Variants in INTS9 observed in about 807,000 individuals in gnomAD.
INTS9 encodes the protein integrator complex subunit 9.
Under a neutral mutation model 79.7 loss-of-function variants are expected in INTS9, and 55 were observed. The ratio of observed to expected loss-of-function variants is 0.69; its 90% CI spans 0.56 to 0.86. The LOEUF (loss-of-function observed/expected upper bound fraction) is 0.86, where lower values mean the gene tolerates loss of function less well. INTS9 is among the 40% of genes least tolerant of loss of function. The pLI, the probability that INTS9 is intolerant of heterozygous loss-of-function variation, is 0.00. For missense variants in INTS9, 721 were observed against 831.5 expected (o/e 0.87, Z 1.64); for synonymous variants, 319 against 325.2 (o/e 0.98, Z 0.20).
At chr8:28,816,172 C>G (rs1805465537) in intron 6 of INTS9, among the ~76,000 whole-genome samples, 2 of 149,854 alleles carry the variant, frequency 1.3e-5, no homozygotes, top group Non-Finnish European at 3.0e-5. Context: ...TATTATTATA[C>G]TTTAAGTTTT....
At chr8:28,881,838 T>C (rs1809847601) in intron 1 of INTS9, among the ~76,000 whole-genome samples, 1 of 127,328 alleles carries the variant, frequency 7.9e-6, no homozygotes, top group Admixed American at 7.7e-5. Context: ...GGTGGGGGGG[T>C]CAGCCCCCCG....
intron 6 of INTS9, among the ~76,000 whole-genome samples, chr8:28,822,887 G>C (rs958805126): frequency 2.0e-5 from 3 of 152,210 alleles, no homozygotes; most frequent in Admixed American, 2.0e-4. Flanking sequence ...CACTCTTTGT[G>C]TGGGAAAATT....
chr8:28,839,932 T>A (rs1248414800), intron 4 of INTS9, among the ~76,000 whole-genome samples: 2 of 143,902 alleles, frequency 1.4e-5, no homozygotes, highest in African/African-American at 5.2e-5. Context: ...AAAGCCAAAA[T>A]TGACAAATGG....
At chr8:28,770,171 T>G in intron 15 of INTS9, 145 bp from the exon 16 acceptor site, 1 of 1,015,990 alleles carries the variant, frequency 9.8e-7, no homozygotes, top group Non-Finnish European at 1.4e-6. Flanking sequence ...TCGGTTCAGG[T>G]TCCCTGGCTG....
At chr8:28,775,622 G>A in intron 14 of INTS9, 137 bp downstream of exon 14, 1 of 953,524 alleles carries the variant, frequency 1.0e-6, no homozygotes, top group Non-Finnish European at 1.6e-6. Flanking sequence ...AAAGTGCTGG[G>A]ATTATAGGCG....
chr8:28,844,609 T>G (rs781137609), intron 4 of INTS9, among the ~76,000 whole-genome samples: 1 of 152,156 alleles, frequency 6.6e-6, no homozygotes, highest in Non-Finnish European at 1.5e-5. Context: ...GTGTATCACC[T>G]GAGGTCAGGA....
chr8:28,859,472 G>T lies in INTS9; in HGVS notation c.101C>A (p.Ser34Tyr). ...TGGCAAAGGAAGGAAATTGAGGGTA[G>T]AAGTCATGTCCAGTCCGCAGTCCAA... ...IMLDCGLDMT[S>Y]TLNFLPLPLV... is the part of the protein sequence containing the mutation. The change falls in exon 2 of 17, where the codon TCT becomes TAT. Residue 34 changes from serine (S) to tyrosine (Y), a missense_variant. Transcript: ENST00000521022. 1.2e-6 allele frequency: 2 copies of T among 1,614,172 alleles called. No individual in the cohort carries two copies. The highest frequency in any genetic ancestry group is 1.7e-6 in the Non-Finnish European group (2 of 1,179,992).
At chr8:28,797,163 C>T (rs769103466) in intron 8 of INTS9, among the ~76,000 whole-genome samples, 4 of 152,158 alleles carry the variant, frequency 2.6e-5, no homozygotes, top group Non-Finnish European at 5.9e-5. Context: ...TCACATCTTC[C>T]CAGGAGATGC....
intron 5 of INTS9, among the ~76,000 whole-genome samples, 156 bp downstream of exon 5, chr8:28,837,481 T>C (rs1806870288): frequency 6.6e-6 from 1 of 152,194 alleles, no homozygotes; most frequent in South Asian, 2.1e-4. Flanking sequence ...CCAATGAACA[T>C]TCCTCATCTA....
At chr8:28,772,500 A>C (rs1472061174) in intron 14 of INTS9, among the ~76,000 whole-genome samples, 1 of 150,816 alleles carries the variant, frequency 6.6e-6, no homozygotes, top group South Asian at 2.1e-4. Flanking sequence ...GCAACACGGC[A>C]AGACTCCGTC....
intron 6 of INTS9, among the ~76,000 whole-genome samples, chr8:28,830,502 T>C (rs1185992556): frequency 1.3e-5 from 2 of 151,926 alleles, no homozygotes; most frequent in South Asian, 2.1e-4. Context: ...TGGGCATCTC[T>C]AGTCCCAGCT....
intron 1 of INTS9, among the ~76,000 whole-genome samples, chr8:28,871,235 C>A (rs1809077257): frequency 6.6e-6 from 1 of 152,110 alleles, no homozygotes; most frequent in South Asian, 2.1e-4. Context: ...GTATGCTGAT[C>A]CTACAGATTA....
intron 14 of INTS9, among the ~76,000 whole-genome samples, chr8:28,774,942 T>G (rs1007826793): frequency 6.6e-6 from 1 of 152,202 alleles, no homozygotes; most frequent in Non-Finnish European, 1.5e-5. Context: ...CTGCTAAAAC[T>G]GAAGCTAAGA....
Position 28,813,571 on chromosome 8 carries a change from G to A in INTS9, c.530C>T (p.Thr177Ile). ...SPLKDAVEVS[T>I]WRRCYTMQEV... ...TTGCATTGTATAGCATCTTCTCCAG[G>A]TTGAGACTTCCACTGCATCCTTGAG... The change falls in exon 7 of 17, where the codon ACC becomes ATC. Residue 177 changes from threonine to isoleucine, a missense_variant. Around this residue, in one of 3 missense-constraint regions of INTS9, gnomAD observed 291 missense variants for 307.0 expected, o/e 0.95. Transcript: ENST00000521022. The A allele has an allele frequency of 6.2e-7, 1 of 1,613,664 alleles. No homozygotes were observed. Among genetic ancestry groups the A allele is most frequent in the Non-Finnish European group, 8.5e-7 (1 of 1,179,680 alleles).
chr8:28,804,246 G>A (rs241163), intron 8 of INTS9, among the ~76,000 whole-genome samples: 50 of 152,110 alleles, frequency 3.3e-4, no homozygotes, highest in African/African-American at 8.4e-4. Context: ...AATCTAAACT[G>A]AGAGGACAGA....
intron 2 of INTS9, among the ~76,000 whole-genome samples, chr8:28,850,934 C>G (rs1397773714): frequency 6.6e-6 from 1 of 152,152 alleles, no homozygotes; most frequent in East Asian, 1.9e-4. Flanking sequence ...TTTTAAAAAT[C>G]TGAATTAAAA....
chr8:28,814,606 G>A (rs1403739197), intron 6 of INTS9, among the ~76,000 whole-genome samples: 1 of 152,108 alleles, frequency 6.6e-6, no homozygotes, highest in Admixed American at 6.6e-5. Flanking sequence ...CTTCCATATA[G>A]CTCAGCAGAT....
intron 4 of INTS9, among the ~76,000 whole-genome samples, chr8:28,844,401 G>A (rs891952085): frequency 5.3e-5 from 8 of 152,148 alleles, no homozygotes; most frequent in Non-Finnish European, 8.8e-5. Context: ...TTAGCAGGGT[G>A]TGGTTGTGTG....
chr8:28,870,046 G>A (rs1468940423), intron 1 of INTS9, among the ~76,000 whole-genome samples: 1 of 152,118 alleles, frequency 6.6e-6, no homozygotes, highest in Non-Finnish European at 1.5e-5. Flanking sequence ...AAAACAGGTA[G>A]GGGCTGCCTT....
Sources: allele counts gnomAD v4.1 joint callset (sites outside exome capture counted in the v4.1 genomes callset), GRCh38; gene constraint gnomAD v4.1.1; regional missense constraint gnomAD v4.1.1; transcripts MANE v1.5; gene names NCBI Gene and HGNC (gene_info 2026-07-23, HGNC 2026-07-21).